PAWR: variants seen among roughly 807,000 people sequenced by gnomAD.
The protein encoded by PAWR is pro-apoptotic WT1 regulator, also known as PRKC apoptosis WT1 regulator protein.
A neutral mutation model predicts 32.0 loss-of-function variants in PAWR; 23 were observed. That is an observed-to-expected ratio of 0.72 (90% CI 0.52 to 1.02). The LOEUF is 1.02. Among genes scored for constraint, PAWR ranks in the 50% least tolerant of loss-of-function variants. The pLI is 0.00. For synonymous variants in PAWR, 226 were observed against 187.1 expected, an observed-to-expected ratio of 1.21 and a Z score of -1.70; for missense variants, 457 against 437.7, an observed-to-expected ratio of 1.04 and a Z score of -0.39.
chr12:79,685,551 T>C (rs1020630022), intron 2 of PAWR, among the ~76,000 whole-genome samples: 5 of 152,200 alleles, frequency 3.3e-5, no homozygotes, highest in African/African-American at 4.8e-5. Context: ...GTAGGTGTCA[T>C]GACCCCATCT....
chr12:79,624,188 G>A (rs1875167369), intron 2 of PAWR, among the ~76,000 whole-genome samples: 1 of 152,094 alleles, frequency 6.6e-6, no homozygotes, highest in African/African-American at 2.4e-5. Context: ...AGTTGAGGCA[G>A]GTAGCCACGC....
intron 2 of PAWR, among the ~76,000 whole-genome samples, chr12:79,629,036 G>A (rs112183969): frequency 2.0e-5 from 3 of 151,802 alleles, no homozygotes; most frequent in Non-Finnish European, 2.9e-5. Context: ...TTTAGGCAAC[G>A]CTAAAGATAA....
intron 4 of PAWR, among the ~76,000 whole-genome samples, chr12:79,600,444 A>G (rs1160307279): frequency 6.6e-6 from 1 of 151,702 alleles, no homozygotes; most frequent in Non-Finnish European, 1.5e-5. Context: ...GATTAAAATT[A>G]ACGAGATTTT....
In PAWR at chr12:79,591,628, CAT is replaced by C. The variant is rs1179112798; in HGVS notation, c.*977_*978del. 37 of 152,154 alleles carry C rather than the reference CAT, an allele frequency of 2.4e-4. No homozygotes were observed. The highest frequency in any genetic ancestry group is 8.2e-4 in the African/African-American group (34 of 41,554). The allele number at this position is 152,154 out of a possible 1,614,324, so 9.4% of individuals were successfully genotyped here. On this transcript the variant is annotated 3_prime_UTR_variant, in exon 7 of 7. Coordinates refer to ENST00000328827, the MANE Select transcript of PAWR (RefSeq NM_002583.4). ...AATTTGAAATAGCGGAATATTCTCT[CAT>C]ATGAAAAAACTGTGTCCCAGTGTTA...
At chr12:79,614,656 A>C (rs773769424) in intron 3 of PAWR, among the ~76,000 whole-genome samples, 1 of 152,218 alleles carries the variant, frequency 6.6e-6, no homozygotes, top group Non-Finnish European at 1.5e-5. Flanking sequence ...TTAAAAATTG[A>C]TAACTTTTTT....
intron 2 of PAWR, among the ~76,000 whole-genome samples, chr12:79,687,095 T>C (rs889456997): frequency 6.6e-6 from 1 of 152,134 alleles, no homozygotes; most frequent in Non-Finnish European, 1.5e-5. Context: ...AAATAGAAAA[T>C]GTAAAAATTT....
At position 79,593,069 on chromosome 12, in the gene PAWR, A is replaced by G. The variant is rs137957250; in HGVS notation, c.937-376T>C. On this transcript the variant is annotated intron_variant, in intron 6 of 6. Coordinates refer to ENST00000328827, the MANE Select transcript of PAWR (RefSeq NM_002583.4). ...AAAAAACTACCCATGCAAGCCATAT[A>G]TGGTATTGAGCCCTAGGTTGCAACC... 4.1e-3 allele frequency among the ~76,000 whole-genome samples: 621 copies of G among 152,188 alleles called. 12 individuals are homozygous for G. The highest frequency in any genetic ancestry group is 0.014 in the African/African-American group (590 of 41,538).
chr12:79,632,308 C>CATATATATAT (rs1566010872), intron 2 of PAWR: 10 of 25,172 alleles, frequency 4.0e-4, no homozygotes, highest in African/African-American at 2.4e-3. Context: ...TATATATATA[C>CATATATATAT]ATACATATAT....
intron 2 of PAWR, among the ~76,000 whole-genome samples, chr12:79,662,801 G>T (rs1877413417): frequency 6.6e-6 from 1 of 152,112 alleles, no homozygotes. Context: ...AGCACTCTTA[G>T]CACTTGGCAT....
At chr12:79,631,990 G>A (rs1444172381) in intron 2 of PAWR, 3 of 151,170 alleles carry the variant, frequency 2.0e-5, no homozygotes, top group African/African-American at 7.3e-5. Flanking sequence ...AAAATTAGCT[G>A]GGCATGGTGG....
At chr12:79,674,228 G>A (rs1358599096) in intron 2 of PAWR, among the ~76,000 whole-genome samples, 1 of 152,034 alleles carries the variant, frequency 6.6e-6, no homozygotes, top group African/African-American at 2.4e-5. Context: ...GAGCAGGTCA[G>A]AGAACCCCAA....
At chr12:79,659,207 T>C (rs1379729370) in intron 2 of PAWR, among the ~76,000 whole-genome samples, 2 of 151,482 alleles carry the variant, frequency 1.3e-5, no homozygotes, top group African/African-American at 2.4e-5. Flanking sequence ...GGCAGGAGAA[T>C]CGCTTGATCC....
chr12:79,594,966 C>T (rs773915071), intron 5 of PAWR, among the ~76,000 whole-genome samples: 5 of 152,178 alleles, frequency 3.3e-5, no homozygotes, highest in Non-Finnish European at 7.3e-5. Context: ...ATCTGCCCGC[C>T]TCAGCCTACC....
At chr12:79,676,373 ATG>A (rs1878166477) in intron 2 of PAWR, among the ~76,000 whole-genome samples, 1 of 152,138 alleles carries the variant, frequency 6.6e-6, no homozygotes, top group Non-Finnish European at 1.5e-5. Flanking sequence ...TCAAATTATC[ATG>A]TGACTCAAGA....
intron 2 of PAWR, among the ~76,000 whole-genome samples, chr12:79,659,863 C>G (rs1877266339): frequency 6.6e-6 from 1 of 151,976 alleles, no homozygotes; most frequent in Non-Finnish European, 1.5e-5. Flanking sequence ...TAAAAGACTA[C>G]AGACTCCCCA....
chr12:79,628,769 G>A (rs1047866774), intron 2 of PAWR, among the ~76,000 whole-genome samples: 1 of 151,964 alleles, frequency 6.6e-6, no homozygotes, highest in African/African-American at 2.4e-5. Flanking sequence ...TCTTATTTTG[G>A]TATCTCCTTA....
At chr12:79,624,878 T>C (rs1875206006) in intron 2 of PAWR, among the ~76,000 whole-genome samples, 1 of 152,196 alleles carries the variant, frequency 6.6e-6, no homozygotes. Flanking sequence ...AAAAATGTGT[T>C]AGAAAGGCTT....
intron 4 of PAWR, among the ~76,000 whole-genome samples, chr12:79,605,654 G>A (rs1874148619): frequency 2.0e-5 from 3 of 151,870 alleles, no homozygotes; most frequent in Admixed American, 2.0e-4. Flanking sequence ...TTTCATATAG[G>A]CAAAAAGTGT....
intron 4 of PAWR, 117 bp downstream of exon 4, chr12:79,613,458 C>T: frequency 2.0e-6 from 1 of 500,388 alleles, no homozygotes; most frequent in Non-Finnish European, 3.6e-6. Flanking sequence ...TTTTTAAGAG[C>T]ACAGTAGAAA....
Sources: allele counts gnomAD v4.1 joint callset (sites outside exome capture counted in the v4.1 genomes callset), GRCh38; gene constraint gnomAD v4.1.1; transcripts MANE v1.5; gene names NCBI Gene and HGNC (gene_info 2026-07-23, HGNC 2026-07-21).